Variants in CXCL13 observed in about 807,000 individuals in gnomAD.
CXCL13 encodes C-X-C motif chemokine 13.
Under a neutral mutation model 12.2 loss-of-function variants are expected in CXCL13, and 7 were observed. The observed-to-expected ratio is 0.57, with a 90% CI of 0.33 to 1.07. The LOEUF is 1.07. Among genes scored for constraint, CXCL13 ranks in the 50% least tolerant of loss-of-function variants. The probability of loss-of-function intolerance (pLI) is 0.04; values close to 1 mark genes in which losing one functional copy is unlikely to be tolerated. For synonymous variants in CXCL13, 47 were observed against 42.4 expected (o/e 1.11, Z -0.42); for missense variants, 113 against 127.4 (o/e 0.89, Z 0.55).
intron 1 of CXCL13, among the ~76,000 whole-genome samples, chr4:77,581,360 T>G (rs1373501950): frequency 6.6e-6 from 1 of 152,238 alleles, no homozygotes; most frequent in African/African-American, 2.4e-5. Flanking sequence ...ATTGGCTATT[T>G]TGTTGGATTA....
At chr4:77,583,455 G>T (rs972342964) in intron 1 of CXCL13, among the ~76,000 whole-genome samples, 1 of 152,178 alleles carries the variant, frequency 6.6e-6, no homozygotes, top group Non-Finnish European at 1.5e-5. Flanking sequence ...CAATAGAGAA[G>T]GAAAGAAAGG....
chr4:77,520,183 G>T (rs1158000216), intron 1 of CXCL13, among the ~76,000 whole-genome samples: 2 of 152,142 alleles, frequency 1.3e-5, no homozygotes, highest in Admixed American at 6.5e-5. Context: ...GCTTAGGATT[G>T]TCTTGGCAAT....
At chr4:77,533,698 G>A (rs1724986411) in intron 1 of CXCL13, among the ~76,000 whole-genome samples, 1 of 152,162 alleles carries the variant, frequency 6.6e-6, no homozygotes, top group Non-Finnish European at 1.5e-5. Context: ...CGAGCTACCA[G>A]GCCGCTTTGT....
chr4:77,521,827 A>G (rs927296313), intron 1 of CXCL13, among the ~76,000 whole-genome samples: 1 of 151,814 alleles, frequency 6.6e-6, no homozygotes, highest in Non-Finnish European at 1.5e-5. Flanking sequence ...AGATCTTTCC[A>G]GCTTTCTCTT....
intron 1 of CXCL13, among the ~76,000 whole-genome samples, chr4:77,531,459 C>T (rs1560516984): frequency 6.6e-6 from 1 of 151,942 alleles, no homozygotes; most frequent in Non-Finnish European, 1.5e-5. Context: ...GAGTGCTTTA[C>T]TTCCAACTAT....
chr4:77,573,362 TTGTGTGTGTGTGTGTGTG>T lies in CXCL13; in HGVS notation c.-42-32430_-42-32413del, dbSNP rs3048191. On this transcript the variant is annotated intron_variant, in intron 1 of 4. Coordinates refer to the CXCL13 transcript ENST00000286758. ...CCAAGAAAAAAAGCTATTGGGTCTTTTGTGTGTGTGTGTGTGTGTGTGTGTGTGTGTGTGTGTGTGTGT... is the reference window on the plus strand; with the variant it reads ...CCAAGAAAAAAAGCTATTGGGTCTTTTGTGTGTGTGTGTGTGTGTGTGTGT... Among the ~76,000 whole-genome samples, 138 of 134,988 alleles carry T rather than the reference TTGTGTGTGTGTGTGTGTG, an allele frequency of 1.0e-3. 4 individuals carry two copies. The East Asian group carries it at 0.015, about 15-fold the overall frequency. 88.6% of individuals were successfully genotyped at this position (134,988 alleles called of 152,430 possible).
chr4:77,540,106 G>T (rs1175484237), intron 1 of CXCL13, among the ~76,000 whole-genome samples: 2 of 152,076 alleles, frequency 1.3e-5, no homozygotes, highest in African/African-American at 4.8e-5. Flanking sequence ...ATTATAGATT[G>T]ATTATCTCTG....
chr4:77,568,140 A>G (rs1725980817), intron 1 of CXCL13, among the ~76,000 whole-genome samples: 2 of 152,072 alleles, frequency 1.3e-5, no homozygotes, highest in Admixed American at 1.3e-4. Flanking sequence ...CTCCCCTTGG[A>G]CTCCAAATTA....
At position 77,559,749 on chromosome 4, in the gene CXCL13, C is replaced by T. The variant is rs184906155; in HGVS notation, c.-42-46075C>T. Among the ~76,000 whole-genome samples, 362 of 151,992 alleles carry T rather than the reference C, an allele frequency of 2.4e-3. 2 individuals carry two copies. Among genetic ancestry groups the T allele is most frequent in the African/African-American group, 8.3e-3 (344 of 41,398 alleles). ...CACCCTGGCTAACATTGTGAAACCC[C>T]GTCTCTACTAAAAATACAAAAAATT... On this transcript the variant is annotated intron_variant, in intron 1 of 4. Coordinates refer to the CXCL13 transcript ENST00000286758.
At chr4:77,595,746 A>C (rs1006306278) in intron 1 of CXCL13, among the ~76,000 whole-genome samples, 1 of 152,176 alleles carries the variant, frequency 6.6e-6, no homozygotes, top group African/African-American at 2.4e-5. Context: ...CAAAAGCATC[A>C]CTGCTGTCCT....
intron 1 of CXCL13, among the ~76,000 whole-genome samples, chr4:77,519,051 G>T (rs190791734): frequency 6.6e-5 from 10 of 152,304 alleles, no homozygotes; most frequent in African/African-American, 2.2e-4. Flanking sequence ...GTTTGCTAGA[G>T]GTCCACTCCA....
At chr4:77,542,441 G>GT (rs1553915269) in intron 1 of CXCL13, among the ~76,000 whole-genome samples, 1 of 152,104 alleles carries the variant, frequency 6.6e-6, no homozygotes, top group Non-Finnish European at 1.5e-5. Flanking sequence ...CTAATTGAGA[G>GT]TTTTTTCTGT....
rs75609322 is a variant in CXCL13, at chr4:77,542,756, T to G, written c.-43+30968T>G. ...ACTAACTTTTTTAAGTGCTACTGGA[T>G]TCAGTTTGCTGGTATTTACTTGAGG... On this transcript the variant is annotated intron_variant, in intron 1 of 4. Transcript: ENST00000286758. Among the ~76,000 whole-genome samples the G allele has an allele frequency of 2.1e-3, 324 of 152,334 alleles. 2 individuals are homozygous for G. The highest frequency in any genetic ancestry group is 7.5e-3 in the African/African-American group (312 of 41,586).
intron 1 of CXCL13, among the ~76,000 whole-genome samples, chr4:77,599,356 T>C (rs1726841490): frequency 6.6e-6 from 1 of 152,204 alleles, no homozygotes; most frequent in Non-Finnish European, 1.5e-5. Flanking sequence ...AGATTACTTA[T>C]AATACCTAAT....
chr4:77,524,640 C>T (rs1201734791), intron 1 of CXCL13, among the ~76,000 whole-genome samples: 1 of 151,906 alleles, frequency 6.6e-6, no homozygotes, highest in African/African-American at 2.4e-5. Flanking sequence ...CTTCCCTTGG[C>T]TAGGAAAGGG....
At chr4:77,567,842 C>T (rs561148076) in intron 1 of CXCL13, among the ~76,000 whole-genome samples, 7 of 152,174 alleles carry the variant, frequency 4.6e-5, no homozygotes, top group Non-Finnish European at 8.8e-5. Flanking sequence ...TCCCAGAAAA[C>T]TCATGAAAAT....
intron 1 of CXCL13, among the ~76,000 whole-genome samples, chr4:77,556,223 G>A (rs1043063464): frequency 2.6e-5 from 4 of 152,150 alleles, no homozygotes; most frequent in African/African-American, 9.7e-5. Context: ...CAAATGAATG[G>A]TTAAACAAAT....
chr4:77,609,306 T>TG (rs570060278), intron 2 of CXCL13, among the ~76,000 whole-genome samples: 208 of 151,174 alleles, frequency 1.4e-3, no homozygotes, highest in African/African-American at 4.6e-3. Flanking sequence ...TTGGGTTTTT[T>TG]TTTTGTTTTG....
chr4:77,537,634 G>A (rs964999051), intron 1 of CXCL13, among the ~76,000 whole-genome samples: 1 of 152,066 alleles, frequency 6.6e-6, no homozygotes, highest in African/African-American at 2.4e-5. Flanking sequence ...TTCTATTACA[G>A]AGTGTGTAAT....
Sources: allele counts gnomAD v4.1 joint callset (sites outside exome capture counted in the v4.1 genomes callset), GRCh38; gene constraint gnomAD v4.1.1; transcripts MANE v1.5; gene names NCBI Gene and HGNC (gene_info 2026-07-23, HGNC 2026-07-21).